The following HTR2C variants were observed in gnomAD, a reference collection of about 807,000 sequenced individuals.
HTR2C encodes the protein 5-hydroxytryptamine receptor 2C, also known as 5-hydroxytryptamine (serotonin) receptor 2C, G protein-coupled.
Under a neutral mutation model 21.0 loss-of-function variants are expected in HTR2C, and 5 were observed. The ratio of observed to expected loss-of-function variants is 0.24; its 90% CI spans 0.12 to 0.50. The LOEUF (loss-of-function observed/expected upper bound fraction) is 0.50, where lower values mean the gene tolerates loss of function less well. Ranked by LOEUF, HTR2C falls within the 20% of genes least tolerant of loss-of-function variation. The probability of loss-of-function intolerance (pLI) is 0.98; values close to 1 mark genes in which losing one functional copy is unlikely to be tolerated. For missense variants in HTR2C, 271 were observed against 371.2 expected (o/e 0.73, Z 2.22); for synonymous variants, 150 against 145.3 (o/e 1.03, Z -0.23).
At chrX:114,887,298 C>T (rs1438242570) in intron 5 of HTR2C, among the ~76,000 whole-genome samples, 2 of 111,239 alleles carry the variant, frequency 1.8e-5, no homozygotes, top group African/African-American at 3.3e-5. Flanking sequence ...CATGAGAACG[C>T]TCTCTTCACG....
chrX:114,907,466 A>T lies in HTR2C; in HGVS notation c.*51A>T. ...CGGTACAAGCTACATATGTAGGAAA[A>T]TTTTCTTCTTTAATTTTTCTGTTGG... On this transcript the variant is annotated 3_prime_UTR_variant, in exon 6 of 6. Transcript: ENST00000276198. 1.0e-6 allele frequency: 1 copy of T among 955,924 alleles called. No homozygotes were observed. Among genetic ancestry groups the T allele is most frequent in the Non-Finnish European group, 1.5e-6 (1 of 685,692 alleles). The allele number at this position is 955,924 out of a possible 1,213,427, so 78.8% of individuals were successfully genotyped here. A position where few individuals can be genotyped will look rare whatever the true frequency, so the allele number is the denominator to read the frequency against.
chrX:114,854,656 C>T (rs1436230068), intron 5 of HTR2C, among the ~76,000 whole-genome samples: 8 of 111,422 alleles, frequency 7.2e-5, no homozygotes, highest in Non-Finnish European at 1.3e-4. Flanking sequence ...CTCTGCTGGA[C>T]AATGGCCTAG....
chrX:114,827,139 T>A (rs782338239), intron 4 of HTR2C, among the ~76,000 whole-genome samples: 56 of 111,237 alleles, frequency 5.0e-4, no homozygotes, highest in African/African-American at 1.8e-3. Flanking sequence ...AATATTTTCA[T>A]TATAGTTAAC....
At chrX:114,838,817 A>G (rs1435357103) in intron 4 of HTR2C, among the ~76,000 whole-genome samples, 2 of 112,144 alleles carry the variant, frequency 1.8e-5, no homozygotes, top group African/African-American at 3.2e-5. Flanking sequence ...ACATTGTTCT[A>G]TGCTCTATGG....
intron 4 of HTR2C, among the ~76,000 whole-genome samples, chrX:114,794,597 A>G (rs1158784020): frequency 8.7e-5 from 8 of 91,572 alleles, no homozygotes; most frequent in Non-Finnish European, 1.5e-4. Flanking sequence ...TCGTTGTTCA[A>G]TTCCCACCTA....
intron 4 of HTR2C, among the ~76,000 whole-genome samples, chrX:114,803,807 C>T (rs1293307775): frequency 9.0e-6 from 1 of 110,953 alleles, no homozygotes; most frequent in East Asian, 2.8e-4. Context: ...AGTCCTTGCC[C>T]ATGCCTATGT....
intron 5 of HTR2C, among the ~76,000 whole-genome samples, chrX:114,891,541 T>C (rs2147527690): frequency 9.0e-6 from 1 of 110,763 alleles, no homozygotes; most frequent in South Asian, 3.9e-4. Flanking sequence ...TTTAGTGTGT[T>C]CCTCCCATCT....
chrX:114,679,022 A>C (rs1391582838), intron 2 of HTR2C, among the ~76,000 whole-genome samples: 1 of 111,777 alleles, frequency 8.9e-6, no homozygotes, highest in African/African-American at 3.3e-5. Context: ...AATGTTGGAA[A>C]CACAAACTTA....
intron 2 of HTR2C, among the ~76,000 whole-genome samples, chrX:114,674,133 C>T (rs781885281): frequency 3.6e-5 from 4 of 112,174 alleles, no homozygotes; most frequent in East Asian, 2.8e-4. Context: ...GTTGATTAAA[C>T]GTCCAGACTC....
intron 2 of HTR2C, among the ~76,000 whole-genome samples, chrX:114,678,152 G>A (rs1205667831): frequency 1.8e-5 from 2 of 110,811 alleles, no homozygotes; most frequent in Non-Finnish European, 3.8e-5. Context: ...AATAAAGTAT[G>A]GGCAGAATGA....
At chrX:114,860,715 T>G (rs917123530) in intron 5 of HTR2C, among the ~76,000 whole-genome samples, 13 of 110,405 alleles carry the variant, frequency 1.2e-4, no homozygotes, top group Non-Finnish European at 2.1e-4. Flanking sequence ...AATGTATAAT[T>G]TGACAAATAT....
intron 2 of HTR2C, chrX:114,715,190 T>TTATA (rs1231931965): frequency 3.1e-6 from 1 of 322,837 alleles, no homozygotes; most frequent in Non-Finnish European, 6.4e-6. Flanking sequence ...TCTTTCCCCT[T>TTATA]TATATAGGAT....
intron 1 of HTR2C, among the ~76,000 whole-genome samples, chrX:114,597,218 C>CAAAA (rs782280036): frequency 7.9e-4 from 35 of 44,110 alleles, no homozygotes; most frequent in Non-Finnish European, 9.8e-4. Context: ...ATTTCATCTC[C>CAAAA]AAAAAAAAAA....
At chrX:114,620,931 G>C (rs1335701966) in intron 2 of HTR2C, among the ~76,000 whole-genome samples, 1 of 111,301 alleles carries the variant, frequency 9.0e-6, no homozygotes, top group African/African-American at 3.3e-5. Flanking sequence ...CCAGGTTGGA[G>C]TGCAGTGGCA....
chrX:114,726,094 G>A (rs1933457517), intron 2 of HTR2C, among the ~76,000 whole-genome samples: 1 of 112,253 alleles, frequency 8.9e-6, no homozygotes, highest in Admixed American at 9.4e-5. Context: ...CTGGGCAATG[G>A]CGGGCGCCCC....
At chrX:114,688,905 T>C (rs907841243) in intron 2 of HTR2C, among the ~76,000 whole-genome samples, 2 of 109,516 alleles carry the variant, frequency 1.8e-5, no homozygotes, top group African/African-American at 6.7e-5. Flanking sequence ...TCTTTACTGG[T>C]GATTTCTGAG....
chrX:114,870,620 G>T (rs2071084662), intron 5 of HTR2C, among the ~76,000 whole-genome samples: 4 of 110,730 alleles, frequency 3.6e-5, no homozygotes, highest in Admixed American at 2.9e-4. Context: ...GTTTGTTCAG[G>T]TTTTGGATTT....
chrX:114,794,618 C>T lies in HTR2C; in HGVS notation c.350-53385C>T, dbSNP rs192741038. Among the ~76,000 whole-genome samples the T allele has an allele frequency of 6.0e-5, 6 of 99,463 alleles. No homozygotes were observed. In the East Asian group the frequency reaches 1.7e-3, roughly 28 times the overall value. 86.4% of individuals were successfully genotyped at this position (99,463 alleles called of 115,157 possible). A position where few individuals can be genotyped will look rare whatever the true frequency, so the allele number is the denominator to read the frequency against. On this transcript the variant is annotated intron_variant, in intron 4 of 5. Coordinates refer to ENST00000276198, the MANE Select transcript of HTR2C (RefSeq NM_000868.4). ...TTCAATTCCCACCTATGAGTGAGAA[C>T]ATGCAGTGTTTGGTTTTCTGTCCTT...
Position 114,801,545 on chromosome X carries a change from G to A in HTR2C, c.350-46458G>A, listed in dbSNP as rs782217791. 4.7e-4 allele frequency among the ~76,000 whole-genome samples: 52 copies of A among 111,140 alleles called. No individual in the cohort carries two copies. In the South Asian group the frequency reaches 0.019, roughly 40 times the overall value. ...CTCCTTAATAGAATTTGAGCATTTGGGGACAGCTGTAACCAATCTGACAAA... is the reference window on the plus strand; with the variant it reads ...CTCCTTAATAGAATTTGAGCATTTGAGGACAGCTGTAACCAATCTGACAAA... On this transcript the variant is annotated intron_variant, in intron 4 of 5. Coordinates refer to ENST00000276198, the MANE Select transcript of HTR2C (RefSeq NM_000868.4).
Sources: gnomAD v4.1 joint callset for allele counts (sites outside exome capture counted in the v4.1 genomes callset) on GRCh38, gnomAD v4.1.1 for gene constraint, MANE v1.5 for transcripts, NCBI Gene and HGNC (gene_info 2026-07-23, HGNC 2026-07-21) for gene names.